Variants in SORCS3 observed in about 807,000 individuals in gnomAD.
SORCS3 encodes sortilin related VPS10 domain containing receptor 3, also known as VPS10 domain-containing receptor SorCS3.
SORCS3 carries 57 observed loss-of-function variants against 146.3 expected under a neutral mutation model. The ratio of observed to expected loss-of-function variants is 0.39; its 90% CI spans 0.31 to 0.49. The LOEUF (loss-of-function observed/expected upper bound fraction) is 0.49. Among genes scored for constraint, SORCS3 ranks in the 20% least tolerant of loss-of-function variants. The pLI is 0.92. For synonymous variants in SORCS3, 653 were observed against 618.5 expected (o/e 1.06, Z -0.83); for missense variants, 1,341 against 1,575.5 (o/e 0.85, Z 2.52).
chr10:104,970,984 T>C (rs2054857385), intron 3 of SORCS3, among the ~76,000 whole-genome samples: 1 of 152,136 alleles, frequency 6.6e-6, no homozygotes, highest in South Asian at 2.1e-4. Context: ...TATGCAAAGA[T>C]AAGAAAAACT....
intron 3 of SORCS3, among the ~76,000 whole-genome samples, chr10:104,973,797 A>G (rs1211245897): frequency 2.1e-5 from 3 of 144,102 alleles, no homozygotes; most frequent in African/African-American, 8.4e-5. Context: ...TAGGGTGTCA[A>G]TTTTGGATCT....
chr10:104,915,805 C>T (rs536017364), intron 2 of SORCS3, 28 bp from the exon 3 acceptor site: 2 of 1,594,076 alleles, frequency 1.3e-6, no homozygotes, highest in East Asian at 2.2e-5. Context: ...AATGATCTCT[C>T]CCTCTCTGTT....
intron 4 of SORCS3, among the ~76,000 whole-genome samples, chr10:105,012,563 C>G (rs1225973816): frequency 6.6e-6 from 1 of 152,080 alleles, no homozygotes; most frequent in African/African-American, 2.4e-5. Flanking sequence ...AGTCATTCCC[C>G]CAATAACATG....
At chr10:104,846,216 C>T (rs890048298) in intron 2 of SORCS3, among the ~76,000 whole-genome samples, 4 of 152,120 alleles carry the variant, frequency 2.6e-5, no homozygotes, top group Non-Finnish European at 4.4e-5. Context: ...GGGGGTTTCC[C>T]GGTTTGCTGG....
At chr10:105,150,294 A>G (rs1470166194) in intron 9 of SORCS3, among the ~76,000 whole-genome samples, 1 of 152,180 alleles carries the variant, frequency 6.6e-6, no homozygotes, top group Non-Finnish European at 1.5e-5. Flanking sequence ...GCTGTACCCC[A>G]GAATTGAATT....
intron 6 of SORCS3, 44 bp from the exon 7 acceptor site, chr10:105,105,353 G>T: frequency 1.5e-6 from 2 of 1,359,544 alleles, no homozygotes; most frequent in South Asian, 2.4e-5. Context: ...GCTCCCTCAT[G>T]ATTTTCACTT....
chr10:104,821,403 G>A (rs1007065841), intron 1 of SORCS3, among the ~76,000 whole-genome samples: 5 of 152,162 alleles, frequency 3.3e-5, no homozygotes, highest in Non-Finnish European at 7.3e-5. Flanking sequence ...AAGCTGGCAG[G>A]CAGAGAAGGG....
intron 14 of SORCS3, among the ~76,000 whole-genome samples, chr10:105,186,226 C>T (rs1433660096): frequency 6.6e-6 from 1 of 152,098 alleles, no homozygotes; most frequent in Non-Finnish European, 1.5e-5. Flanking sequence ...AATAATAATT[C>T]TTGTACTATT....
At chr10:105,261,275 G>A (rs2056958769) in intron 25 of SORCS3, among the ~76,000 whole-genome samples, 1 of 152,162 alleles carries the variant, frequency 6.6e-6, no homozygotes, top group African/African-American at 2.4e-5. Context: ...TCTCAGAGAC[G>A]ACATGTAAGC....
chr10:105,010,071 A>G (rs554632894), intron 4 of SORCS3, among the ~76,000 whole-genome samples: 2 of 152,318 alleles, frequency 1.3e-5, no homozygotes, highest in South Asian at 4.1e-4. Context: ...GGGGTGGCAG[A>G]AAGAGCACAG....
chr10:105,096,238 A>G (rs1014216823), intron 6 of SORCS3, among the ~76,000 whole-genome samples: 2 of 152,078 alleles, frequency 1.3e-5, no homozygotes, highest in Non-Finnish European at 2.9e-5. Flanking sequence ...GCCTTTTATA[A>G]AGTTGTCCTG....
rs2056631670 is a variant in SORCS3, at chr10:105,211,210, A to G, written c.2335A>G (p.Lys779Glu). ...AFWYNPASPS[K>E]DCSLGQSYLN... is the part of the protein sequence containing the mutation. ...CTGGTACAATCCAGCATCCCCATCA[A>G]AGGACTGCAGCCTTGGTCAAAGCTA... Residue 779 changes from lysine (K) to glutamate (E), a missense_variant, in exon 17 of 27, where the codon AAG becomes GAG. By Grantham distance (56) the Lys-to-Glu change is moderately conservative. Coordinates refer to ENST00000369701, the MANE Select transcript of SORCS3 (RefSeq NM_014978.3). 2.5e-6 allele frequency: 4 copies of G among 1,614,054 alleles called. No homozygotes were observed. The highest frequency in any genetic ancestry group is 3.4e-6 in the Non-Finnish European group (4 of 1,179,968).
intron 4 of SORCS3, among the ~76,000 whole-genome samples, chr10:105,042,111 G>T (rs1000779629): frequency 2.0e-5 from 3 of 152,154 alleles, no homozygotes; most frequent in South Asian, 2.1e-4. Flanking sequence ...ATGCACAAAG[G>T]TGACTAAGGC....
intron 22 of SORCS3, 145 bp from the exon 23 acceptor site, chr10:105,252,630 C>A: frequency 1.1e-6 from 1 of 896,610 alleles, no homozygotes; most frequent in Non-Finnish European, 1.7e-6. Flanking sequence ...TGAAAGAAAG[C>A]CTGAATGTAT....
intron 1 of SORCS3, among the ~76,000 whole-genome samples, chr10:104,723,754 T>C (rs933120852): frequency 1.3e-5 from 2 of 152,244 alleles, no homozygotes; most frequent in African/African-American, 4.8e-5. Flanking sequence ...TCTTTTGATC[T>C]TTGTTGTTTT....
intron 1 of SORCS3, among the ~76,000 whole-genome samples, chr10:104,834,177 T>G (rs1191406939): frequency 3.9e-5 from 6 of 152,192 alleles, no homozygotes; most frequent in Non-Finnish European, 7.3e-5. Flanking sequence ...CCTCATCCAC[T>G]CTCGTCCCCT....
intron 3 of SORCS3, among the ~76,000 whole-genome samples, chr10:104,929,248 A>T (rs1233778152): frequency 6.6e-6 from 1 of 152,214 alleles, no homozygotes; most frequent in Non-Finnish European, 1.5e-5. Flanking sequence ...AGCATAATGT[A>T]TATAGAATAC....
At chr10:104,674,976 T>G (rs1398193083) in intron 1 of SORCS3, among the ~76,000 whole-genome samples, 1 of 152,248 alleles carries the variant, frequency 6.6e-6, no homozygotes, top group Non-Finnish European at 1.5e-5. Flanking sequence ...ACTCATTTCT[T>G]TGGCATATAT....
chr10:105,232,695 C>T (rs1198816285), intron 20 of SORCS3, among the ~76,000 whole-genome samples: 2 of 151,496 alleles, frequency 1.3e-5, no homozygotes, highest in African/African-American at 4.8e-5. Flanking sequence ...ACTGCTTTTG[C>T]TGCATCCCAC....
Sources: gnomAD v4.1 joint callset for allele counts (sites outside exome capture counted in the v4.1 genomes callset) on GRCh38, gnomAD v4.1.1 for gene constraint, MANE v1.5 for transcripts, NCBI Gene and HGNC (gene_info 2026-07-23, HGNC 2026-07-21) for gene names.